The following MIA2 variants were observed in gnomAD, a reference collection of about 807,000 sequenced individuals.
MIA2 encodes melanoma inhibitory activity protein 2.
MIA2 carries 127 observed loss-of-function variants against 167.8 expected under a neutral mutation model. That is an observed-to-expected ratio of 0.76 (90% CI 0.66 to 0.88). The LOEUF (loss-of-function observed/expected upper bound fraction) is 0.88, where lower values mean the gene tolerates loss of function less well. Ranked by LOEUF, MIA2 falls within the 40% of genes least tolerant of loss-of-function variation. The pLI, the probability that MIA2 is intolerant of heterozygous loss-of-function variation, is 0.00. For missense variants in MIA2, 1,690 were observed against 1,624.7 expected (o/e 1.04, Z -0.69); for synonymous variants, 552 against 541.9 (o/e 1.02, Z -0.26).
At chr14:39,255,916 C>T (rs1436308173) in intron 6 of MIA2, among the ~76,000 whole-genome samples, 1 of 152,174 alleles carries the variant, frequency 6.6e-6, no homozygotes, top group Non-Finnish European at 1.5e-5. Context: ...TGGAAAGTCA[C>T]TTATTGTCTG....
At chr14:39,346,287 A>G (rs2274396) in intron 26 of MIA2, among the ~76,000 whole-genome samples, 43,891 of 152,064 alleles carry the variant, frequency 0.29, 6,606 homozygotes, top group East Asian at 0.5. Flanking sequence ...ACTCTGTTCT[A>G]TGACTAATTT....
chr14:39,367,809 T>A (rs2074854426), intron 23 of MIA2, among the ~76,000 whole-genome samples: 1 of 129,698 alleles, frequency 7.7e-6, no homozygotes, highest in Admixed American at 7.7e-5. Context: ...CTATTTGTAT[T>A]ATTTTTTATT....
At chr14:39,239,211 T>G (rs2152607433) in intron 2 of MIA2, among the ~76,000 whole-genome samples, 1 of 152,308 alleles carries the variant, frequency 6.6e-6, no homozygotes, top group East Asian at 1.9e-4. Flanking sequence ...GTCTGGCCTC[T>G]GCAGTTCCCA....
At chr14:39,287,232 C>T (rs1371039593) in intron 9 of MIA2, among the ~76,000 whole-genome samples, 1 of 151,802 alleles carries the variant, frequency 6.6e-6, no homozygotes, top group Non-Finnish European at 1.5e-5. Context: ...CACCACCACG[C>T]CCAGTTAATT....
In MIA2 at chr14:39,306,747, T is replaced by G. The variant is rs529749085; in HGVS notation, c.2879-1702T>G. Among the ~76,000 whole-genome samples the G allele has an allele frequency of 2.2e-4, 34 of 152,318 alleles. No homozygotes were observed. The South Asian group carries it at 7.1e-3, about 32-fold the overall frequency. On this transcript the variant is annotated intron_variant, in intron 17 of 28. Coordinates refer to ENST00000640607, the MANE Select transcript of MIA2 (RefSeq NM_001329214.4). ...CAGAGTGAGTTTTGTCTTTTAAGAT[T>G]TGTGGTGGTGATTCATATACACGTT...
intron 23 of MIA2, among the ~76,000 whole-genome samples, chr14:39,362,379 G>T (rs1234131625): frequency 1.3e-5 from 2 of 152,092 alleles, no homozygotes; most frequent in Non-Finnish European, 2.9e-5. Flanking sequence ...TTATTGGTCT[G>T]TTCAGGTTTT....
At chr14:39,353,809 G>A (rs2074454029), downstream of MIA2, among the ~76,000 whole-genome samples, 1 of 152,132 alleles carries the variant, frequency 6.6e-6, no homozygotes, top group Non-Finnish European at 1.5e-5. Flanking sequence ...GTGAGAATAT[G>A]CGGTGTTTGG....
At chr14:39,320,175 G>T (rs549948746) in intron 23 of MIA2, among the ~76,000 whole-genome samples, 1 of 139,532 alleles carries the variant, frequency 7.2e-6, no homozygotes, top group South Asian at 2.1e-4. Flanking sequence ...CTTGTAGCTG[G>T]TTTGAATATT....
In MIA2 at chr14:39,314,785, T is replaced by C; in HGVS notation, c.3166T>C (p.Ser1056Pro). 1 of 1,601,892 alleles carries C rather than the reference T, an allele frequency of 6.2e-7. No homozygotes were observed. Among genetic ancestry groups the C allele is most frequent in the Non-Finnish European group, 8.5e-7 (1 of 1,174,300 alleles). Residue 1056 changes from serine to proline, a missense_variant, in exon 20 of 29, where the codon TCT (serine) becomes CCT (proline). Ser to Pro is a moderately conservative substitution (Grantham distance 74, BLOSUM62 -1). Transcript: ENST00000640607. ...AGAAGAATTGGAGAGAACTATTCAT[T>C]CTTATCAAGGGCAGGTATATATATA... ...LEEELERTIHSYQGQIISHEK... is the reference protein window; with the variant it reads ...LEEELERTIHPYQGQIISHEK...
chr14:39,269,839 T>TG (rs1280005140), intron 6 of MIA2, among the ~76,000 whole-genome samples: 6 of 152,194 alleles, frequency 3.9e-5, no homozygotes, highest in Admixed American at 2.6e-4. Context: ...CTTTTTATGG[T>TG]GAAAAAATAT....
intron 24 of MIA2, among the ~76,000 whole-genome samples, chr14:39,326,319 G>A (rs2067539766): frequency 6.6e-6 from 1 of 152,034 alleles, no homozygotes; most frequent in Admixed American, 6.6e-5. Flanking sequence ...ATCATTTTGG[G>A]GCAGAAGTAT....
At chr14:39,303,590 C>A in intron 16 of MIA2, 66 bp downstream of exon 16, 1 of 1,125,396 alleles carries the variant, frequency 8.9e-7, no homozygotes, top group Non-Finnish European at 1.3e-6. Context: ...ACTCATGTCC[C>A]AGTAAATGTT....
intron 6 of MIA2, chr14:39,269,083 T>TTTTTTTTC: frequency 1.1e-6 from 1 of 926,592 alleles, no homozygotes; most frequent in Non-Finnish European, 1.3e-6. Context: ...AGTTTTTTTT[T>TTTTTTTTC]TTTTTTTTTT....
At chr14:39,259,132 G>A (rs887456490) in intron 6 of MIA2, among the ~76,000 whole-genome samples, 1 of 152,198 alleles carries the variant, frequency 6.6e-6, no homozygotes, top group Non-Finnish European at 1.5e-5. Context: ...CCTCTTGTTA[G>A]GATCAGTTGC....
At chr14:39,253,041 G>T in intron 5 of MIA2, 30 bp from the exon 6 acceptor site, 1 of 1,564,438 alleles carries the variant, frequency 6.4e-7, no homozygotes, top group Non-Finnish European at 8.7e-7. Flanking sequence ...ATAATATCAT[G>T]CTAACATATT....
At chr14:39,281,138 T>C (rs1016353187) in intron 9 of MIA2, among the ~76,000 whole-genome samples, 1 of 152,062 alleles carries the variant, frequency 6.6e-6, no homozygotes, top group Admixed American at 6.5e-5. Context: ...TTGTCCAGGC[T>C]GGTCTCGAAC....
At position 39,267,175 on chromosome 14, in the gene MIA2, G is replaced by A. The variant is rs538951216; in HGVS notation, c.1888-9759G>A. The stretch of plus-strand genomic sequence containing the variant: ...CGGCCGAAACCAAACCGAGGGGTGG[G>A]GTGGCGAGGACAGGGTACGTCGCAG... On this transcript the variant is annotated intron_variant, in intron 6 of 28. Transcript: ENST00000640607. 3.4e-6 allele frequency: 4 copies of A among 1,188,168 alleles called. No individual in the cohort carries two copies. In the African/African-American group the frequency reaches 6.4e-5, roughly 19 times the overall value. 73.6% of individuals were successfully genotyped at this position (1,188,168 alleles called of 1,614,324 possible). A position where few individuals can be genotyped will look rare whatever the true frequency, so the allele number is the denominator to read the frequency against.
At position 39,365,945 on chromosome 14, in the gene MIA2, ACTT is replaced by A. The variant is rs542843420; in HGVS notation, c.2248+16974_2248+16976del. On this transcript the variant is annotated intron_variant, in intron 23 of 23. Transcript: ENST00000341502. ...TATTTGTATGTCTGGTGTAACAATC[ACTT>A]CTTCTGATTTTTTGTATTGGCTTTT... Among the ~76,000 whole-genome samples the A allele has an allele frequency of 7.2e-5, 11 of 151,846 alleles. No homozygotes were observed. In the South Asian group the frequency reaches 2.3e-3, roughly 32 times the overall value.
chr14:39,236,404 T>A (rs2053749382), intron 1 of MIA2, among the ~76,000 whole-genome samples: 1 of 152,072 alleles, frequency 6.6e-6, no homozygotes, highest in Non-Finnish European at 1.5e-5. Context: ...CAGGGCAAAT[T>A]GGGCTCCACT....
Sources: gnomAD v4.1 joint callset for allele counts (sites outside exome capture counted in the v4.1 genomes callset) on GRCh38, gnomAD v4.1.1 for gene constraint, MANE v1.5 for transcripts, NCBI Gene and HGNC (gene_info 2026-07-23, HGNC 2026-07-21) for gene names.